Variants in PLOD2 observed in about 807,000 individuals in gnomAD.
PLOD2 encodes the protein lysine hydroxylase 2.
PLOD2 carries 65 observed loss-of-function variants against 101.0 expected under a neutral mutation model. The ratio of observed to expected loss-of-function variants is 0.64; its 90% CI spans 0.53 to 0.79. The LOEUF is 0.79. Among genes scored for constraint, PLOD2 ranks in the 30% least tolerant of loss-of-function variants. PLOD2 has a pLI of 0.00. For synonymous variants in PLOD2, 314 were observed against 302.9 expected, an observed-to-expected ratio of 1.04 and a Z score of -0.38; for missense variants, 909 against 914.6, an observed-to-expected ratio of 0.99 and a Z score of 0.08.
chr3:146,107,621 AATTT>A lies in PLOD2; in HGVS notation c.503-981_503-978del, dbSNP rs1430193369. On this transcript the variant is annotated intron_variant, in intron 4 of 19. Coordinates refer to ENST00000282903, the MANE Select transcript of PLOD2 (RefSeq NM_182943.3). ...CTCATTTTTTGGTTCTTGCCATATA[AATTT>A]TTTTTTTTTTTTTTTTTTTTTTTTT... 4.0e-3 allele frequency among the ~76,000 whole-genome samples: 534 copies of A among 134,510 alleles called. 4 individuals are homozygous for A. The highest frequency in any genetic ancestry group is 6.6e-3 in the Non-Finnish European group (430 of 64,856). The allele number at this position is 134,510 out of a possible 152,430, so 88.2% of individuals were successfully genotyped here. A position where few individuals can be genotyped will look rare whatever the true frequency, so the allele number is the denominator to read the frequency against.
chr3:146,136,056 AT>A (rs1363797996), intron 1 of PLOD2, among the ~76,000 whole-genome samples: 1 of 151,954 alleles, frequency 6.6e-6, no homozygotes, highest in Non-Finnish European at 1.5e-5. Context: ...TGATTGTATG[AT>A]TTTTTTTCCA....
In PLOD2 at chr3:146,069,953, T is replaced by C. The variant is rs141834169; in HGVS notation, c.*764A>G. On this transcript the variant is annotated 3_prime_UTR_variant, in exon 20 of 20. Coordinates refer to ENST00000282903, the MANE Select transcript of PLOD2 (RefSeq NM_182943.3). ...AAAACCTGTTTGACTTAAGGACACT[T>C]GCTGATCTTGACACTTGATAATACT... The C allele has an allele frequency of 3.9e-3, 592 of 152,344 alleles. 6 individuals carry two copies. Among genetic ancestry groups the C allele is most frequent in the African/African-American group, 0.014 (569 of 41,540 alleles). 9.4% of individuals were successfully genotyped at this position (152,344 alleles called of 1,614,324 possible). A position where few individuals can be genotyped will look rare whatever the true frequency, so the allele number is the denominator to read the frequency against.
At chr3:146,117,593 G>A (rs1937970159) in intron 3 of PLOD2, among the ~76,000 whole-genome samples, 1 of 152,038 alleles carries the variant, frequency 6.6e-6, no homozygotes, top group Admixed American at 6.6e-5. Context: ...GGATAGTCAT[G>A]GTAGGTAATG....
At chr3:146,121,407 A>G (rs2030145625) in intron 2 of PLOD2, among the ~76,000 whole-genome samples, 159 bp from the exon 3 acceptor site, 1 of 152,142 alleles carries the variant, frequency 6.6e-6, no homozygotes, top group Non-Finnish European at 1.5e-5. Context: ...CTAGATGCCT[A>G]AATCAGATCA....
chr3:146,110,247 T>A, intron 4 of PLOD2, 38 bp downstream of exon 4: 4 of 1,584,372 alleles, frequency 2.5e-6, no homozygotes. Context: ...TTAGTCTTTA[T>A]AACTTGCATT....
intron 1 of PLOD2, among the ~76,000 whole-genome samples, chr3:146,148,632 T>C (rs1410623601): frequency 6.6e-6 from 1 of 152,090 alleles, no homozygotes; most frequent in African/African-American, 2.4e-5. Flanking sequence ...ATACACTTAA[T>C]CATAATAAAA....
At chr3:146,127,815 C>T (rs1178684849) in intron 1 of PLOD2, among the ~76,000 whole-genome samples, 1 of 152,022 alleles carries the variant, frequency 6.6e-6, no homozygotes, top group Admixed American at 6.6e-5. Context: ...CAATGAGATA[C>T]CATTTCACAC....
Position 146,069,620 on chromosome 3 carries a change from G to A in PLOD2, c.*1097C>T, listed in dbSNP as rs1936050723. The A allele has an allele frequency of 6.6e-6, 1 of 152,042 alleles. No individual in the cohort carries two copies. The highest frequency in any genetic ancestry group is 6.6e-5 in the Admixed American group (1 of 15,160). 9.4% of individuals were successfully genotyped at this position (152,042 alleles called of 1,614,324 possible). A position where few individuals can be genotyped will look rare whatever the true frequency, so the allele number is the denominator to read the frequency against. ...AAACATCAAGTCAACAAGTATTTTT[G>A]TTGGAGAATTTTTTTATAAGCGGGA... is the stretch of plus-strand genomic sequence containing the variant. On this transcript the variant is annotated 3_prime_UTR_variant, in exon 20 of 20. Transcript: ENST00000282903.
At chr3:146,096,867 T>G (rs1341869737) in intron 7 of PLOD2, among the ~76,000 whole-genome samples, 6 of 51,922 alleles carry the variant, frequency 1.2e-4, no homozygotes, top group Admixed American at 1.8e-4. Context: ...AGCTGCCCCG[T>G]CCGGGAGGGA....
intron 4 of PLOD2, 22 bp from the exon 5 acceptor site, chr3:146,106,666 G>A (rs770254715): frequency 2.5e-6 from 3 of 1,213,694 alleles, no homozygotes; most frequent in Non-Finnish European, 3.7e-6. Flanking sequence ...CAGAGAGAAA[G>A]TAGATAATTT....
At chr3:146,127,514 T>C (rs530690398) in intron 1 of PLOD2, among the ~76,000 whole-genome samples, 1 of 152,116 alleles carries the variant, frequency 6.6e-6, no homozygotes, top group African/African-American at 2.4e-5. Flanking sequence ...CATTTTTTTT[T>C]AATAGCTGTG....
chr3:146,098,543 A>T (rs1453047325), intron 7 of PLOD2, among the ~76,000 whole-genome samples: 1 of 152,170 alleles, frequency 6.6e-6, no homozygotes, highest in East Asian at 1.9e-4. Context: ...GAGACATAAA[A>T]ACTGAAAACA....
intron 9 of PLOD2, among the ~76,000 whole-genome samples, chr3:146,087,784 A>G (rs1463485055): frequency 2.6e-5 from 4 of 151,902 alleles, no homozygotes. Flanking sequence ...CTTTAGTGAA[A>G]GTATATATAT....
intron 1 of PLOD2, among the ~76,000 whole-genome samples, chr3:146,134,206 A>G (rs1245596115): frequency 6.6e-6 from 1 of 152,224 alleles, no homozygotes; most frequent in Admixed American, 6.5e-5. Flanking sequence ...AGGAGTGCGG[A>G]TTACATATCA....
intron 7 of PLOD2, among the ~76,000 whole-genome samples, chr3:146,099,063 A>G (rs921053922): frequency 2.0e-5 from 3 of 152,196 alleles, no homozygotes; most frequent in African/African-American, 4.8e-5. Flanking sequence ...ATAAAACTTC[A>G]TATTTTATTG....
chr3:146,080,728 C>A (rs1936509652), intron 12 of PLOD2, among the ~76,000 whole-genome samples: 1 of 152,132 alleles, frequency 6.6e-6, no homozygotes, highest in Non-Finnish European at 1.5e-5. Context: ...CCCAAAGATA[C>A]AATCAGGTAT....
chr3:146,150,206 C>T (rs2031991101), intron 1 of PLOD2, among the ~76,000 whole-genome samples: 2 of 152,146 alleles, frequency 1.3e-5, no homozygotes, highest in Non-Finnish European at 2.9e-5. Context: ...TTTGCTCCCA[C>T]AAACTGATTT....
intron 1 of PLOD2, among the ~76,000 whole-genome samples, chr3:146,160,226 T>C (rs374166172): frequency 9.2e-5 from 14 of 152,154 alleles, no homozygotes; most frequent in African/African-American, 3.4e-4. Flanking sequence ...ACGTTTTGTT[T>C]TACACAGCTT....
chr3:146,112,607 C>T (rs1937692840), intron 3 of PLOD2, among the ~76,000 whole-genome samples: 1 of 152,144 alleles, frequency 6.6e-6, no homozygotes, highest in African/African-American at 2.4e-5. Flanking sequence ...AATCCCAGCA[C>T]TTTGGGAGGT....
Sources: allele counts gnomAD v4.1 joint callset (sites outside exome capture counted in the v4.1 genomes callset), GRCh38; gene constraint gnomAD v4.1.1; transcripts MANE v1.5; gene names NCBI Gene and HGNC (gene_info 2026-07-23, HGNC 2026-07-21).